The following HSD17B12 variants were observed in gnomAD, a reference collection of about 807,000 sequenced individuals.
HSD17B12 encodes the protein hydroxysteroid 17-beta dehydrogenase 12.
HSD17B12 carries 32 observed loss-of-function variants against 39.3 expected under a neutral mutation model. The observed-to-expected ratio is 0.81, with a 90% CI of 0.61 to 1.09. HSD17B12 has a LOEUF of 1.09. Ranked by LOEUF, HSD17B12 falls within the 50% of genes least tolerant of loss-of-function variation. The pLI, the probability that HSD17B12 is intolerant of heterozygous loss-of-function variation, is 0.00. For synonymous variants in HSD17B12, 150 were observed against 146.7 expected, an observed-to-expected ratio of 1.02 and a Z score of -0.16; for missense variants, 342 against 382.9, an observed-to-expected ratio of 0.89 and a Z score of 0.89.
the HSD17B12 span, among the ~76,000 whole-genome samples, chr11:43,593,051 C>T: frequency 3.9e-5 from 6 of 152,098 alleles, no homozygotes; most frequent in African/African-American, 9.7e-5. Flanking sequence ...ATGAAAATGC[C>T]GAAATTGTAT....
At chr11:43,580,001 G>A in the HSD17B12 span, among the ~76,000 whole-genome samples, 3 of 151,376 alleles carry the variant, frequency 2.0e-5, no homozygotes, top group East Asian at 2.0e-4. Flanking sequence ...CCCACTGGGG[G>A]ACTATACTGC....
chr11:43,669,725 G>A, the HSD17B12 span, among the ~76,000 whole-genome samples: 1 of 152,236 alleles, frequency 6.6e-6, no homozygotes, highest in East Asian at 1.9e-4. Flanking sequence ...GTCTCTTTGT[G>A]TTTCTCTAAA....
chr11:43,719,893 T>C (rs561193084), intron 1 of HSD17B12, among the ~76,000 whole-genome samples: 1 of 152,336 alleles, frequency 6.6e-6, no homozygotes, highest in African/African-American at 2.4e-5. Flanking sequence ...CTGGTGGTAC[T>C]TTTAGTACGA....
intron 4 of HSD17B12, among the ~76,000 whole-genome samples, chr11:43,800,215 G>GTT (rs1950953499): frequency 6.6e-6 from 1 of 152,170 alleles, no homozygotes; most frequent in African/African-American, 2.4e-5. Flanking sequence ...AGCTGTCATG[G>GTT]TTCATCTTAA....
the HSD17B12 span, among the ~76,000 whole-genome samples, chr11:43,633,148 CTT>C: frequency 6.6e-6 from 1 of 152,186 alleles, no homozygotes; most frequent in Non-Finnish European, 1.5e-5. Flanking sequence ...AAGGAGGTAT[CTT>C]TATCTTTTCC....
chr11:43,642,524 AAT>A, the HSD17B12 span, among the ~76,000 whole-genome samples: 1 of 151,818 alleles, frequency 6.6e-6, no homozygotes, highest in Non-Finnish European at 1.5e-5. Context: ...GCATGTAATA[AAT>A]ATATGAGATC....
intron 1 of HSD17B12, among the ~76,000 whole-genome samples, chr11:43,718,074 G>T (rs1163956205): frequency 6.6e-6 from 1 of 152,072 alleles, no homozygotes; most frequent in Non-Finnish European, 1.5e-5. Context: ...CGAAGTGTTG[G>T]GATTACAGGC....
intron 9 of HSD17B12, among the ~76,000 whole-genome samples, chr11:43,841,661 T>C (rs1179385502): frequency 6.6e-6 from 1 of 152,212 alleles, no homozygotes; most frequent in Non-Finnish European, 1.5e-5. Context: ...AAATTAACCA[T>C]TCTTCAATTG....
At chr11:43,838,159 C>A (rs1369445650) in intron 7 of HSD17B12, 158 bp from the exon 8 acceptor site, 2 of 595,704 alleles carry the variant, frequency 3.4e-6, no homozygotes, top group East Asian at 2.8e-5. Context: ...CATTTACTGA[C>A]CAAGCATAGC....
At chr11:43,679,827 C>T (rs931095271), upstream of HSD17B12, among the ~76,000 whole-genome samples, 4 of 152,074 alleles carry the variant, frequency 2.6e-5, no homozygotes, top group African/African-American at 9.7e-5. Context: ...GTTTAGTGCT[C>T]AGCTGGGAGG....
intron 3 of HSD17B12, among the ~76,000 whole-genome samples, chr11:43,762,138 G>A (rs1950560013): frequency 6.6e-6 from 1 of 152,076 alleles, no homozygotes; most frequent in African/African-American, 2.4e-5. Flanking sequence ...ATTTGCCCAA[G>A]TATGGCTAAC....
chr11:43,779,827 CATTGGGT>C (rs1343276686), intron 3 of HSD17B12, among the ~76,000 whole-genome samples: 2 of 152,196 alleles, frequency 1.3e-5, no homozygotes, highest in African/African-American at 4.8e-5. Context: ...ACCGCTTTCA[CATTGGGT>C]AGGATGTTCA....
At chr11:43,757,228 C>T (rs943765051) in intron 3 of HSD17B12, among the ~76,000 whole-genome samples, 3 of 152,164 alleles carry the variant, frequency 2.0e-5, no homozygotes, top group Non-Finnish European at 4.4e-5. Flanking sequence ...TTTAACACAT[C>T]TTTATTGAAT....
chr11:43,588,102 T>TCCCTGCAAG, the HSD17B12 span, among the ~76,000 whole-genome samples: 49 of 152,360 alleles, frequency 3.2e-4, no homozygotes, highest in African/African-American at 1.1e-3. Flanking sequence ...CTTCCCTGCT[T>TCCCTGCAAG]TCAGCATCTT....
chr11:43,666,508 TTTTG>T, the HSD17B12 span, among the ~76,000 whole-genome samples: 4 of 152,122 alleles, frequency 2.6e-5, no homozygotes, highest in Non-Finnish European at 5.9e-5. Flanking sequence ...CCTGGCCATT[TTTTG>T]TTTGTTTGTT....
At chr11:43,752,090 T>C (rs1950469949) in intron 2 of HSD17B12, among the ~76,000 whole-genome samples, 1 of 152,244 alleles carries the variant, frequency 6.6e-6, no homozygotes, top group Non-Finnish European at 1.5e-5. Flanking sequence ...GCCTTATTTT[T>C]CTTTTATAAG....
At chr11:43,611,154 T>G in the HSD17B12 span, among the ~76,000 whole-genome samples, 1 of 152,212 alleles carries the variant, frequency 6.6e-6, no homozygotes, top group African/African-American at 2.4e-5. Context: ...CAAAAATCTT[T>G]GATATATTTT....
the HSD17B12 span, among the ~76,000 whole-genome samples, chr11:43,598,707 A>T: frequency 2.7e-4 from 41 of 152,022 alleles, no homozygotes; most frequent in East Asian, 2.9e-3. Flanking sequence ...AACTTTTCTC[A>T]TTCATCCATC....
At chr11:43,838,083 G>T (rs543818906) in intron 7 of HSD17B12, 1 of 517,518 alleles carries the variant, frequency 1.9e-6, no homozygotes. Flanking sequence ...TATGCCCTGG[G>T]TTACTAAGAC....
Sources: gnomAD v4.1 joint callset for allele counts (sites outside exome capture counted in the v4.1 genomes callset) on GRCh38, gnomAD v4.1.1 for gene constraint, MANE v1.5 for transcripts, NCBI Gene and HGNC (gene_info 2026-07-23, HGNC 2026-07-21) for gene names.